ZBTB4: variants seen among roughly 807,000 people sequenced by gnomAD.
ZBTB4 encodes zinc finger and BTB domain-containing protein 4.
ZBTB4 carries 14 observed loss-of-function variants against 59.8 expected under a neutral mutation model. The observed-to-expected ratio is 0.23, with a 90% CI of 0.15 to 0.37. The LOEUF is 0.37. Ranked by LOEUF, ZBTB4 falls within the 10% of genes least tolerant of loss-of-function variation. The probability of loss-of-function intolerance (pLI) is 1.00; values close to 1 mark genes in which losing one functional copy is unlikely to be tolerated. For synonymous variants in ZBTB4, 587 were observed against 575.2 expected, an observed-to-expected ratio of 1.02 and a Z score of -0.29; for missense variants, 1,198 against 1,380.8, an observed-to-expected ratio of 0.87 and a Z score of 2.10.
Position 7,478,976 on chromosome 17 carries a change from C to A in ZBTB4, c.-81+480G>T, listed in dbSNP as rs141059425. Among the ~76,000 whole-genome samples the A allele has an allele frequency of 4.4e-3, 664 of 152,288 alleles. 4 individuals are homozygous for A. Among genetic ancestry groups the A allele is most frequent in the Non-Finnish European group, 6.9e-3 (468 of 68,010 alleles). Reference sequence around the variant, plus strand: ...CGGCGCGGCGGTTCCGGGGCCCCAGCTCGCCCTGCGCACCCCGCACACCCC... The same window carrying A: ...CGGCGCGGCGGTTCCGGGGCCCCAGATCGCCCTGCGCACCCCGCACACCCC... On this transcript the variant is annotated intron_variant, in intron 1 of 3. Transcript: ENST00000380599.
Position 7,465,225 on chromosome 17 carries a change from A to G in ZBTB4, c.1091+486T>C, listed in dbSNP as rs113041088. On this transcript the variant is annotated intron_variant, in intron 3 of 3. Coordinates refer to ENST00000380599, the MANE Select transcript of ZBTB4 (RefSeq NM_001128833.2). The stretch of plus-strand genomic sequence containing the variant: ...TGTAATCCCAGCACTTTGGGAGGCC[A>G]AGGCGGGCAGATCACGAGGTCAGGA... Among the ~76,000 whole-genome samples the G allele has an allele frequency of 2.5e-3, 384 of 151,436 alleles. 2 individuals are homozygous for G. The highest frequency in any genetic ancestry group is 4.2e-3 in the Non-Finnish European group (283 of 67,846).
rs1218877654 is a variant in ZBTB4 at position 7,466,994 on chromosome 17, C to G, written c.-9-184G>C. Reference sequence around the variant, plus strand: ...ACCCAAGTCTGGCCAGCATCCAAGACCAGTATGTCTAACTCACTTCTGAGG... The same window carrying G: ...ACCCAAGTCTGGCCAGCATCCAAGAGCAGTATGTCTAACTCACTTCTGAGG... On this transcript the variant is annotated intron_variant, in intron 2 of 3. Coordinates refer to ENST00000380599, the MANE Select transcript of ZBTB4 (RefSeq NM_001128833.2). The surrounding 1 kb of genome is among the most constrained non-coding windows in gnomAD (Gnocchi z 9.1). 6.6e-6 allele frequency among the ~76,000 whole-genome samples: 1 copy of G among 152,156 alleles called. No individual in the cohort carries two copies. The highest frequency in any genetic ancestry group is 2.4e-5 in the African/African-American group (1 of 41,414).
intron 3 of ZBTB4, among the ~76,000 whole-genome samples, chr17:7,464,186 G>C (rs1405956555): frequency 6.6e-6 from 1 of 152,218 alleles, no homozygotes; most frequent in Non-Finnish European, 1.5e-5. Flanking sequence ...ACACCACGTG[G>C]AAACACAAGG....
At position 7,459,825 on chromosome 17, in the gene ZBTB4, T is replaced by C. The variant is rs2150846013; in HGVS notation, c.*2115A>G. The C allele has an allele frequency of 6.6e-6, 1 of 152,508 alleles. No individual in the cohort carries two copies. Among genetic ancestry groups the C allele is most frequent in the African/African-American group, 2.4e-5 (1 of 41,476 alleles). The allele number at this position is 152,508 out of a possible 1,614,324, so 9.4% of individuals were successfully genotyped here. A position where few individuals can be genotyped will look rare whatever the true frequency, so the allele number is the denominator to read the frequency against. The stretch of plus-strand genomic sequence containing the variant: ...TTCTCCCAAAAAAAAATGTCCATGG[T>C]TTTGGAATTTTGACCTATTCTGAAG... On this transcript the variant is annotated 3_prime_UTR_variant, in exon 4 of 4. Transcript: ENST00000380599.
intron 1 of ZBTB4, among the ~76,000 whole-genome samples, chr17:7,470,391 C>T (rs1007650605): frequency 6.6e-6 from 1 of 151,404 alleles, no homozygotes; most frequent in African/African-American, 2.4e-5. Flanking sequence ...GAACAAGACC[C>T]TGCCTCAAAA....
Position 7,466,019 on chromosome 17 carries a change from G to A in ZBTB4, c.783C>T (p.Ser261=). ...CTCCCAGCCCTGTAGACCCCCGCGT[G>A]CTGGCCCCTCGTCGGCACTGGGCCT... ...THEAQCRRGA[S]TRGSTGLGAG... Residue 261 remains serine, a synonymous_variant, in exon 3 of 4, where the codon AGC becomes AGT. Transcript: ENST00000380599. This position sits in a 1 kb window ranked among gnomAD's most constrained non-coding sequence, Gnocchi z 9.1. The A allele has an allele frequency of 6.2e-7, 1 of 1,607,914 alleles. No homozygotes were observed. Among genetic ancestry groups the A allele is most frequent in the Non-Finnish European group, 8.5e-7 (1 of 1,176,340 alleles).
Position 7,463,450 on chromosome 17 carries a change from G to C in ZBTB4, c.1532C>G (p.Thr511Ser), listed in dbSNP as rs375629333. 3.9e-6 allele frequency: 6 copies of C among 1,547,852 alleles called. No individual in the cohort carries two copies. The highest frequency in any genetic ancestry group is 5.2e-6 in the Non-Finnish European group (6 of 1,147,016). The change falls in exon 4 of 4, where the codon ACT becomes AGT. Residue 511 changes from threonine to serine, a missense_variant. Transcript: ENST00000380599. ...TTTCTTGGGTGGCCTCGGGGGAGCAGTGTAAGTGATAACCGAGGCAGCTTG... is the reference window on the plus strand; with the variant it reads ...TTTCTTGGGTGGCCTCGGGGGAGCACTGTAAGTGATAACCGAGGCAGCTTG... ...GSQAASVITY[T>S]APPRPPKKRE...
intron 1 of ZBTB4, among the ~76,000 whole-genome samples, chr17:7,471,595 C>T (rs190226403): frequency 3.9e-5 from 6 of 152,138 alleles, no homozygotes; most frequent in Non-Finnish European, 8.8e-5. Flanking sequence ...AGCGTTTGGA[C>T]GCAGCTTGAG....
chr17:7,463,969 C>T, intron 3 of ZBTB4, 79 bp from the exon 4 acceptor site: 2 of 1,523,628 alleles, frequency 1.3e-6, no homozygotes, highest in East Asian at 2.3e-5. Flanking sequence ...GGTCCTCCTA[C>T]ACCCTGCACT....
At chr17:7,474,798 G>C in intron 1 of ZBTB4, among the ~76,000 whole-genome samples, 1 of 151,456 alleles carries the variant, frequency 6.6e-6, no homozygotes, top group Non-Finnish European at 1.5e-5. Context: ...GATCACTTGA[G>C]GTCAGGAGTT....
At chr17:7,470,301 G>T (rs1417940367) in intron 1 of ZBTB4, among the ~76,000 whole-genome samples, 1 of 152,050 alleles carries the variant, frequency 6.6e-6, no homozygotes, top group East Asian at 1.9e-4. Flanking sequence ...AGGAGGCTGA[G>T]GTGGGAGCAT....
Position 7,461,788 on chromosome 17 carries a change from C to T in ZBTB4, c.*152G>A. 1 of 597,226 alleles carries T rather than the reference C, an allele frequency of 1.7e-6. No individual in the cohort carries two copies. The highest frequency in any genetic ancestry group is 3.0e-5 in the South Asian group (1 of 33,576). 37.0% of individuals were successfully genotyped at this position (597,226 alleles called of 1,614,324 possible). A position where few individuals can be genotyped will look rare whatever the true frequency, so the allele number is the denominator to read the frequency against. Reference sequence around the variant, plus strand: ...GGAGATGGGAAAACTACATCTCACACAAAGCAGCCTGACCCCTGAGCTCCA... The same window carrying T: ...GGAGATGGGAAAACTACATCTCACATAAAGCAGCCTGACCCCTGAGCTCCA... On this transcript the variant is annotated 3_prime_UTR_variant, in exon 4 of 4. Transcript: ENST00000380599.
At chr17:7,470,870 C>G (rs2070188921) in intron 1 of ZBTB4, among the ~76,000 whole-genome samples, 1 of 152,144 alleles carries the variant, frequency 6.6e-6, no homozygotes, top group African/African-American at 2.4e-5. Flanking sequence ...ATGGCACCCA[C>G]TAGGGCACAA....
At chr17:7,469,443 G>A (rs1301862661) in intron 1 of ZBTB4, among the ~76,000 whole-genome samples, 1 of 151,192 alleles carries the variant, frequency 6.6e-6, no homozygotes, top group Non-Finnish European at 1.5e-5. Flanking sequence ...TGGGATTATG[G>A]GCGTGAGCCT....
At position 7,466,759 on chromosome 17, in the gene ZBTB4, C is replaced by T. The variant is rs1237090541; in HGVS notation, c.43G>A (p.Ala15Thr). ...AEVTDPSHAP[A>T]VLRQLNEQRL... ...TGTTCATTGAGCTGGCGCAGGACGG[C>T]GGGGGCATGGGACGGGTCCGTCACC... The change falls in exon 3 of 4, where the codon GCC becomes ACC. Residue 15 changes from alanine to threonine, a missense_variant. Around this residue, in one of 9 missense-constraint regions of ZBTB4, gnomAD observed 44 missense variants for 86.2 expected, o/e 0.51. Coordinates refer to ENST00000380599, the MANE Select transcript of ZBTB4 (RefSeq NM_001128833.2). This position sits in a 1 kb window ranked among gnomAD's most constrained non-coding sequence, Gnocchi z 9.1. 4 of 1,587,052 alleles carry T rather than the reference C, an allele frequency of 2.5e-6. No homozygotes were observed. Among genetic ancestry groups the T allele is most frequent in the Non-Finnish European group, 3.4e-6 (4 of 1,167,972 alleles).
In ZBTB4 at chr17:7,462,603, C is replaced by T. The variant is rs1365601034; in HGVS notation, c.2379G>A (p.Gly793=). The part of the protein sequence containing the change: ...HGQRHAAERP[G]GTPTPVIAYS... The stretch of plus-strand genomic sequence containing the variant: ...AGGCAATGACAGGGGTTGGGGTGCC[C>T]CCGGGCCGCTCAGCAGCATGCCTCT... The change falls in exon 4 of 4, where the codon GGG becomes GGA. Residue 793 remains glycine (G), a synonymous_variant. Coordinates refer to ENST00000380599, the MANE Select transcript of ZBTB4 (RefSeq NM_001128833.2). This position sits in a 1 kb window ranked among gnomAD's most constrained non-coding sequence, Gnocchi z 7.5. 1.2e-6 allele frequency: 2 copies of T among 1,610,638 alleles called. No homozygotes were observed. Among genetic ancestry groups the T allele is most frequent in the East Asian group, 2.2e-5 (1 of 44,868 alleles).
rs771091726 is a variant in ZBTB4 at position 7,462,552 on chromosome 17, C to T, written c.2430G>A (p.Arg810=). ...GGGCTTCCTCCTTGACATCCCCGGG[C>T]CTGGTGCCAGCGCTGCCCTTGGAAT... is the stretch of plus-strand genomic sequence containing the variant. The part of the protein sequence containing the change: ...IAYSKGSAGT[R]PGDVKEEAPQ... The change falls in exon 4 of 4, where the codon AGG becomes AGA. Residue 810 remains arginine (R), a synonymous_variant. Transcript: ENST00000380599. This position sits in a 1 kb window ranked among gnomAD's most constrained non-coding sequence, Gnocchi z 7.5. 6.2e-7 allele frequency: 1 copy of T among 1,613,828 alleles called. No individual in the cohort carries two copies. The highest frequency in any genetic ancestry group is 8.5e-7 in the Non-Finnish European group (1 of 1,179,960).
At chr17:7,475,937 C>T (rs1434049974) in intron 1 of ZBTB4, among the ~76,000 whole-genome samples, 3 of 152,186 alleles carry the variant, frequency 2.0e-5, no homozygotes, top group African/African-American at 4.8e-5. Context: ...CATAAACCAC[C>T]GCACAAGGTC....
chr17:7,483,736 C>T (rs1158987274), upstream of ZBTB4, among the ~76,000 whole-genome samples: 1 of 152,202 alleles, frequency 6.6e-6, no homozygotes. Flanking sequence ...CGGACAGTGG[C>T]CACCCTCCTT....
Sources: allele counts gnomAD v4.1 joint callset (sites outside exome capture counted in the v4.1 genomes callset), GRCh38; gene constraint gnomAD v4.1.1; regional missense constraint gnomAD v4.1.1; non-coding constraint Gnocchi (gnomAD v3.1); transcripts MANE v1.5; gene names NCBI Gene and HGNC (gene_info 2026-07-23, HGNC 2026-07-21).